Variants in KIF3B observed in about 807,000 individuals in gnomAD.
The protein encoded by KIF3B is kinesin-like protein KIF3B.
KIF3B carries 38 observed loss-of-function variants against 74.3 expected under a neutral mutation model. The ratio of observed to expected loss-of-function variants is 0.51; its 90% CI spans 0.39 to 0.67. The LOEUF (loss-of-function observed/expected upper bound fraction) is 0.67, where lower values mean the gene tolerates loss of function less well. KIF3B is among the 30% of genes least tolerant of loss of function. KIF3B has a pLI of 0.00. For synonymous variants in KIF3B, 326 were observed against 342.5 expected (o/e 0.95, Z 0.53); for missense variants, 649 against 932.0 (o/e 0.70, Z 3.95).
intron 1 of KIF3B, among the ~76,000 whole-genome samples, chr20:32,295,705 A>G (rs1196222030): frequency 2.0e-5 from 3 of 152,110 alleles, no homozygotes; most frequent in African/African-American, 7.2e-5. Flanking sequence ...ATGACTTGCT[A>G]CATTTACCTT....
intron 1 of KIF3B, among the ~76,000 whole-genome samples, chr20:32,288,127 C>T (rs1016527369): frequency 6.6e-6 from 1 of 151,784 alleles, no homozygotes; most frequent in Non-Finnish European, 1.5e-5. Context: ...GAGATCTGCC[C>T]ATCTCGGCCT....
At chr20:32,326,553 C>G (rs768288891) in intron 5 of KIF3B, among the ~76,000 whole-genome samples, 1 of 152,186 alleles carries the variant, frequency 6.6e-6, no homozygotes, top group Non-Finnish European at 1.5e-5. Flanking sequence ...TTATACCTAA[C>G]AGGGCTGCAC....
At chr20:32,282,515 A>G (rs2047647738) in intron 1 of KIF3B, among the ~76,000 whole-genome samples, 1 of 152,122 alleles carries the variant, frequency 6.6e-6, no homozygotes, top group African/African-American at 2.4e-5. Context: ...GCCAGGTGCA[A>G]CTGATTGAAG....
intron 6 of KIF3B, 39 bp from the exon 7 acceptor site, chr20:32,327,517 G>T: frequency 6.4e-7 from 1 of 1,557,918 alleles, no homozygotes; most frequent in African/African-American, 1.4e-5. Context: ...GGTTCCACAG[G>T]ACTCCAGCCA....
At chr20:32,316,495 G>A in intron 3 of KIF3B, 32 bp from the exon 4 acceptor site, 8 of 1,613,110 alleles carry the variant, frequency 5.0e-6, no homozygotes, top group Non-Finnish European at 5.9e-6. Context: ...CAGTCTCTAG[G>A]GCAAGCTGAT....
At chr20:32,306,161 G>A (rs530426915) in intron 1 of KIF3B, among the ~76,000 whole-genome samples, 2 of 151,282 alleles carry the variant, frequency 1.3e-5, no homozygotes, top group African/African-American at 2.4e-5. Context: ...TTGGGAGGCC[G>A]AGGCAGGCCA....
At chr20:32,291,357 G>A (rs2047690433) in intron 1 of KIF3B, among the ~76,000 whole-genome samples, 1 of 151,804 alleles carries the variant, frequency 6.6e-6, no homozygotes, top group Non-Finnish European at 1.5e-5. Context: ...CATAAAACTA[G>A]AATAATGTAA....
chr20:32,318,976 T>C (rs1358188175), intron 5 of KIF3B, among the ~76,000 whole-genome samples: 2 of 151,604 alleles, frequency 1.3e-5, no homozygotes, highest in Non-Finnish European at 2.9e-5. Context: ...TTTTTTTTTT[T>C]CTTTGAGACA....
At chr20:32,320,929 T>C (rs1165292144) in intron 5 of KIF3B, among the ~76,000 whole-genome samples, 2 of 152,132 alleles carry the variant, frequency 1.3e-5, no homozygotes, top group East Asian at 3.9e-4. Context: ...AAGTTTCTTT[T>C]GTGGACGCAT....
intron 2 of KIF3B, among the ~76,000 whole-genome samples, chr20:32,313,236 T>C (rs1213435212): frequency 6.6e-6 from 1 of 152,176 alleles, no homozygotes; most frequent in African/African-American, 2.4e-5. Context: ...TGGGCTTTAA[T>C]GGCAGAGGAG....
chr20:32,290,158 A>G (rs756829758), intron 1 of KIF3B, among the ~76,000 whole-genome samples: 31 of 152,048 alleles, frequency 2.0e-4, no homozygotes, highest in Non-Finnish European at 4.1e-4. Flanking sequence ...CGAGGCAGGT[A>G]GAACACCTGA....
At chr20:32,298,125 G>T (rs2047725001) in intron 1 of KIF3B, among the ~76,000 whole-genome samples, 1 of 124,728 alleles carries the variant, frequency 8.0e-6, no homozygotes, top group Non-Finnish European at 1.8e-5. Context: ...AAAAAAAATT[G>T]TTGTTTTTTT....
At chr20:32,307,603 T>C (rs1277864855) in intron 1 of KIF3B, among the ~76,000 whole-genome samples, 1 of 152,226 alleles carries the variant, frequency 6.6e-6, no homozygotes, top group Non-Finnish European at 1.5e-5. Flanking sequence ...CAAATTGCTC[T>C]ACCCAGAGGT....
chr20:32,320,483 G>GTA (rs35124871), intron 5 of KIF3B, among the ~76,000 whole-genome samples: 4,008 of 146,372 alleles, frequency 0.027, 177 homozygotes, highest in African/African-American at 0.095. Flanking sequence ...TTCTTCATAT[G>GTA]TGTGTGTGTG....
Position 32,322,875 on chromosome 20 carries a change from TA to T in KIF3B, c.1749-3895del, listed in dbSNP as rs1464141563. Among the ~76,000 whole-genome samples, 29 of 82,824 alleles carry T rather than the reference TA, an allele frequency of 3.5e-4. No homozygotes were observed. The East Asian group carries it at 0.012, about 35-fold the overall frequency. The allele number at this position is 82,824 out of a possible 152,430, so 54.3% of individuals were successfully genotyped here. A position where few individuals can be genotyped will look rare whatever the true frequency, so the allele number is the denominator to read the frequency against. On this transcript the variant is annotated intron_variant, in intron 5 of 8. Coordinates refer to ENST00000375712, the MANE Select transcript of KIF3B (RefSeq NM_004798.4). Reference sequence around the variant, plus strand: ...ATATTTATATATACATATTCATATATATTTTTATATATTTATATACATATTC... The same window carrying T: ...ATATTTATATATACATATTCATATATTTTTTATATATTTATATACATATTC...
intron 1 of KIF3B, among the ~76,000 whole-genome samples, chr20:32,308,834 G>A (rs2047785524): frequency 6.6e-6 from 1 of 150,966 alleles, no homozygotes; most frequent in East Asian, 2.0e-4. Context: ...TCCTGCCTCA[G>A]CCTCCCAAGT....
chr20:32,289,126 A>C (rs973504517), intron 1 of KIF3B, among the ~76,000 whole-genome samples: 1 of 151,336 alleles, frequency 6.6e-6, no homozygotes, highest in Admixed American at 6.6e-5. Flanking sequence ...GGTGAGAGCT[A>C]TTCCCTTTAA....
chr20:32,332,726 A>G lies in KIF3B; in HGVS notation c.*1407A>G, dbSNP rs2047936181. 1 of 152,294 alleles carries G rather than the reference A, an allele frequency of 6.6e-6. No homozygotes were observed. Among genetic ancestry groups the G allele is most frequent in the Non-Finnish European group, 1.5e-5 (1 of 68,036 alleles). The allele number at this position is 152,294 out of a possible 1,614,324, so 9.4% of individuals were successfully genotyped here. ...GTGAATGTGTCCATATGTGTCTGTA[A>G]GAGAGACAGAGACCAAGAACTTGCC... is the stretch of plus-strand genomic sequence containing the variant. On this transcript the variant is annotated 3_prime_UTR_variant, in exon 9 of 9. Coordinates refer to ENST00000375712, the MANE Select transcript of KIF3B (RefSeq NM_004798.4).
At chr20:32,292,583 GAAAAAAAAAA>G (rs71185398) in intron 1 of KIF3B, among the ~76,000 whole-genome samples, 2 of 71,822 alleles carry the variant, frequency 2.8e-5, no homozygotes, top group Non-Finnish European at 5.6e-5. Context: ...ACTAAAAATA[GAAAAAAAAAA>G]AAAAAAAAAA....
Sources: gnomAD v4.1 joint callset for allele counts (sites outside exome capture counted in the v4.1 genomes callset) on GRCh38, gnomAD v4.1.1 for gene constraint, MANE v1.5 for transcripts, NCBI Gene and HGNC (gene_info 2026-07-23, HGNC 2026-07-21) for gene names.